The following DTNBP1 variants were observed in gnomAD, a reference collection of about 807,000 sequenced individuals.
The protein encoded by DTNBP1 is dysbindin.
DTNBP1 carries 35 observed loss-of-function variants against 42.8 expected under a neutral mutation model. The observed-to-expected ratio is 0.82, with a 90% confidence interval of 0.63 to 1.09. DTNBP1 has a LOEUF of 1.09. DTNBP1 is among the 50% of genes least tolerant of loss of function. DTNBP1 has a pLI of 0.00. For synonymous variants in DTNBP1, 171 were observed against 162.2 expected (o/e 1.05, Z -0.41); for missense variants, 457 against 424.2 (o/e 1.08, Z -0.68).
chr6:15,660,546 G>C (rs1358153952), intron 1 of DTNBP1: 1 of 1,289,524 alleles, frequency 7.8e-7, no homozygotes, highest in Non-Finnish European at 1.0e-6. Context: ...GCCAACAAAA[G>C]ACCTAATGAA....
chr6:15,589,454 T>C (rs1776208656), intron 7 of DTNBP1, among the ~76,000 whole-genome samples: 1 of 152,196 alleles, frequency 6.6e-6, no homozygotes, highest in Admixed American at 6.5e-5. Context: ...CCCCTCTCTC[T>C]AGTCAGAACT....
intron 5 of DTNBP1, among the ~76,000 whole-genome samples, chr6:15,619,055 G>A (rs905520227): frequency 6.6e-6 from 1 of 152,226 alleles, no homozygotes; most frequent in African/African-American, 2.4e-5. Flanking sequence ...GGGTAGAACA[G>A]TGTTTACTAG....
intron 3 of DTNBP1, among the ~76,000 whole-genome samples, chr6:15,645,805 T>C (rs926181974): frequency 3.3e-5 from 5 of 152,030 alleles, no homozygotes; most frequent in African/African-American, 1.2e-4. Flanking sequence ...CTAAGAGCCA[T>C]ATATGACAAA....
Position 15,561,957 on chromosome 6 carries a change from T to C in DTNBP1, c.512-28562A>G, listed in dbSNP as rs554469833. Among the ~76,000 whole-genome samples the C allele has an allele frequency of 5.3e-5, 8 of 152,342 alleles. No homozygotes were observed. In the South Asian group the frequency reaches 1.2e-3, roughly 24 times the overall value. Reference sequence around the variant, plus strand: ...CTAAAAGACACTCCCAGCAGTCCCATGACAGTTTACAAATGCCAGGACTAT... The same window carrying C: ...CTAAAAGACACTCCCAGCAGTCCCACGACAGTTTACAAATGCCAGGACTAT... On this transcript the variant is annotated intron_variant, in intron 7 of 9. Transcript: ENST00000344537.
intron 9 of DTNBP1, chr6:15,524,114 G>C (rs1319780866): frequency 7.4e-7 from 1 of 1,350,388 alleles, no homozygotes; most frequent in Non-Finnish European, 9.7e-7. Context: ...CCATGGCTTT[G>C]CCCATGGCAG....
intron 8 of DTNBP1, among the ~76,000 whole-genome samples, chr6:15,526,036 T>G (rs1245021167): frequency 6.6e-6 from 1 of 152,082 alleles, no homozygotes; most frequent in Admixed American, 6.5e-5. Context: ...AGGAAATAAT[T>G]AGGATGACAG....
At chr6:15,544,586 A>G (rs929132467) in intron 7 of DTNBP1, among the ~76,000 whole-genome samples, 12 of 152,174 alleles carry the variant, frequency 7.9e-5, no homozygotes, top group African/African-American at 2.7e-4. Flanking sequence ...GGACTTACTA[A>G]TTGTAACACA....
At chr6:15,535,266 C>T (rs906561727) in intron 7 of DTNBP1, among the ~76,000 whole-genome samples, 5 of 152,092 alleles carry the variant, frequency 3.3e-5, no homozygotes, top group Non-Finnish European at 7.4e-5. Context: ...CTGAGGCCTC[C>T]CCAGCCATGC....
chr6:15,523,711 A>T (rs1329183746), intron 9 of DTNBP1: 2 of 1,287,198 alleles, frequency 1.6e-6, no homozygotes, highest in Non-Finnish European at 2.0e-6. Context: ...ACTGTTTCTA[A>T]ATCTTCCCCT....
chr6:15,522,996 A>G lies in DTNBP1; in HGVS notation c.1035T>C (p.Gly345=). The change falls in exon 10 of 10, where the codon GGT becomes GGC. Residue 345 remains glycine, a synonymous_variant. Coordinates refer to ENST00000344537, the MANE Select transcript of DTNBP1 (RefSeq NM_032122.5). Reference sequence around the variant, plus strand: ...CAATTTAAGAGTCGCTGTCCTCACCACCATCCGGAGTGGCCTCTCTGTCAG... The same window carrying G: ...CAATTTAAGAGTCGCTGTCCTCACCGCCATCCGGAGTGGCCTCTCTGTCAG... ...SHTDREATPD[G]GEDSDS is the part of the protein sequence containing the mutation. 1 of 1,614,156 alleles carries G rather than the reference A, an allele frequency of 6.2e-7. No individual in the cohort carries two copies. Among genetic ancestry groups the G allele is most frequent in the Non-Finnish European group, 8.5e-7 (1 of 1,180,014 alleles).
intron 5 of DTNBP1, among the ~76,000 whole-genome samples, 166 bp downstream of exon 5, chr6:15,627,177 T>C (rs1316381410): frequency 6.6e-6 from 1 of 152,162 alleles, no homozygotes. Flanking sequence ...CTTTACATCA[T>C]TTTCTGTGGA....
At chr6:15,643,027 A>C (rs2113783347) in intron 3 of DTNBP1, among the ~76,000 whole-genome samples, 1 of 152,356 alleles carries the variant, frequency 6.6e-6, no homozygotes, top group South Asian at 2.1e-4. Flanking sequence ...AAACTCAACA[A>C]GATCCAGGAA....
chr6:15,569,629 C>G (rs1190309780), intron 7 of DTNBP1, among the ~76,000 whole-genome samples: 1 of 152,172 alleles, frequency 6.6e-6, no homozygotes, highest in Non-Finnish European at 1.5e-5. Flanking sequence ...AGCAACAGAC[C>G]TGTTAGGGTC....
At chr6:15,558,604 T>C (rs1267454918) in intron 7 of DTNBP1, among the ~76,000 whole-genome samples, 2 of 152,122 alleles carry the variant, frequency 1.3e-5, no homozygotes, top group Non-Finnish European at 2.9e-5. Context: ...TCTGATAACT[T>C]TGAAAAGTAT....
intron 7 of DTNBP1, among the ~76,000 whole-genome samples, chr6:15,580,134 A>G (rs189281610): frequency 9.8e-5 from 15 of 152,366 alleles, no homozygotes; most frequent in African/African-American, 3.6e-4. Context: ...TCAAATCTAC[A>G]AGTACACTAA....
chr6:15,580,062 T>C (rs961288701), intron 7 of DTNBP1, among the ~76,000 whole-genome samples: 3 of 152,180 alleles, frequency 2.0e-5, no homozygotes, highest in African/African-American at 4.8e-5. Flanking sequence ...AAATAATTAG[T>C]TGAAGATAAA....
intron 7 of DTNBP1, among the ~76,000 whole-genome samples, chr6:15,580,159 G>T (rs1354240675): frequency 6.6e-6 from 1 of 152,130 alleles, no homozygotes; most frequent in Admixed American, 6.5e-5. Flanking sequence ...GCAACTGAAA[G>T]CAGCCAGAAG....
chr6:15,641,657 C>T (rs546582769), intron 3 of DTNBP1, among the ~76,000 whole-genome samples: 9 of 152,270 alleles, frequency 5.9e-5, no homozygotes, highest in East Asian at 1.9e-4. Flanking sequence ...CCATACTTGT[C>T]GTGCGCCAGC....
rs1194814309 is a variant in DTNBP1, at chr6:15,524,032, A to C, written c.811+494T>G. The C allele has an allele frequency of 4.6e-6, 6 of 1,291,556 alleles. No homozygotes were observed. In the East Asian group the frequency reaches 1.6e-4, roughly 35 times the overall value. The allele number at this position is 1,291,556 out of a possible 1,614,324, so 80.0% of individuals were successfully genotyped here. A position where few individuals can be genotyped will look rare whatever the true frequency, so the allele number is the denominator to read the frequency against. ...ATATTTGCTGCATGAATGTGAAACA[A>C]AATTTTGTGAAGGGATGAAAGGAAC... On this transcript the variant is annotated intron_variant, in intron 9 of 9. Transcript: ENST00000344537.
Sources: allele counts gnomAD v4.1 joint callset (sites outside exome capture counted in the v4.1 genomes callset), GRCh38; gene constraint gnomAD v4.1.1; transcripts MANE v1.5; gene names NCBI Gene and HGNC (gene_info 2026-07-23, HGNC 2026-07-21).